Variants in ZBTB20 observed in about 807,000 individuals in gnomAD.
The protein encoded by ZBTB20 is zinc finger and BTB domain-containing protein 20.
ZBTB20 carries 9 observed loss-of-function variants against 56.9 expected under a neutral mutation model. That is an observed-to-expected ratio of 0.16 (90% CI 0.10 to 0.28). The LOEUF (loss-of-function observed/expected upper bound fraction) is 0.28, where lower values mean the gene tolerates loss of function less well. Among genes scored for constraint, ZBTB20 ranks in the 10% least tolerant of loss-of-function variants. The probability of loss-of-function intolerance (pLI) is 1.00; values close to 1 mark genes in which losing one functional copy is unlikely to be tolerated. For missense variants in ZBTB20, 655 were observed against 1,003.0 expected (o/e 0.65, Z 4.69); for synonymous variants, 417 against 420.7 (o/e 0.99, Z 0.11).
At chr3:115,131,754 A>G (rs995302795) in intron 1 of ZBTB20, among the ~76,000 whole-genome samples, 4 of 152,216 alleles carry the variant, frequency 2.6e-5, no homozygotes, top group African/African-American at 9.6e-5. Context: ...TTCCACCAGT[A>G]ACAAATACTG....
chr3:114,610,185 C>G (rs191964927), intron 6 of ZBTB20, among the ~76,000 whole-genome samples: 11 of 152,246 alleles, frequency 7.2e-5, no homozygotes, highest in Non-Finnish European at 1.5e-4. Context: ...CACTGACAGG[C>G]AGATAAATAC....
intron 5 of ZBTB20, among the ~76,000 whole-genome samples, chr3:114,709,293 T>C (rs2063903819): frequency 6.6e-6 from 1 of 152,054 alleles, no homozygotes. Context: ...ACACCACCCC[T>C]CTCATGGTTC....
chr3:114,591,055 T>A (rs1357125815), intron 6 of ZBTB20, among the ~76,000 whole-genome samples: 2 of 152,230 alleles, frequency 1.3e-5, no homozygotes, highest in African/African-American at 4.8e-5. Flanking sequence ...GCTTAACAGC[T>A]ACTATTAGCG....
At chr3:114,565,933 T>C (rs765218977) in intron 6 of ZBTB20, among the ~76,000 whole-genome samples, 14 of 152,100 alleles carry the variant, frequency 9.2e-5, no homozygotes, top group Non-Finnish European at 2.1e-4. Context: ...GGAGCAATTA[T>C]TATTATTATT....
At chr3:115,002,284 T>C (rs935491841) in intron 2 of ZBTB20, among the ~76,000 whole-genome samples, 1 of 151,466 alleles carries the variant, frequency 6.6e-6, no homozygotes, top group Non-Finnish European at 1.5e-5. Context: ...AGAAGATAAA[T>C]AGGAGAACAT....
At chr3:114,919,359 A>T (rs2075867240) in intron 3 of ZBTB20, among the ~76,000 whole-genome samples, 1 of 152,186 alleles carries the variant, frequency 6.6e-6, no homozygotes, top group South Asian at 2.1e-4. Context: ...GAATCAAAGC[A>T]AAAATTGAAT....
chr3:114,529,718 T>G (rs1425452732), intron 6 of ZBTB20, among the ~76,000 whole-genome samples: 1 of 152,224 alleles, frequency 6.6e-6, no homozygotes, highest in Non-Finnish European at 1.5e-5. Flanking sequence ...AAGGTAGGGA[T>G]GATGGGTTGG....
At position 114,422,422 on chromosome 3, in the gene ZBTB20, T is replaced by TTACCCGCCTTAC. The variant is rs765954944; in HGVS notation, c.-254-33329_-254-33318dup. On this transcript the variant is annotated intron_variant, in intron 7 of 11. Transcript: ENST00000675478. ...TTTGTGAATATACTGCAACCGGACG[T>TTACCCGCCTTAC]TACCCGCCTTACATGAATTTGACAT... 2.4e-3 allele frequency among the ~76,000 whole-genome samples: 372 copies of TTACCCGCCTTAC among 152,244 alleles called. 1 individual carries two copies. The highest frequency in any genetic ancestry group is 4.2e-3 in the Non-Finnish European group (283 of 68,000).
chr3:114,662,590 T>C (rs1279047773), intron 6 of ZBTB20, among the ~76,000 whole-genome samples: 5 of 141,364 alleles, frequency 3.5e-5, no homozygotes, highest in East Asian at 2.0e-4. Flanking sequence ...TTTTAATGAT[T>C]GCCATTCTAA....
intron 5 of ZBTB20, among the ~76,000 whole-genome samples, chr3:114,705,650 CAA>C (rs1199579015): frequency 1.3e-5 from 2 of 152,162 alleles, no homozygotes; most frequent in African/African-American, 4.8e-5. Flanking sequence ...TTTCCCCACT[CAA>C]GTGTTAGAGA....
At chr3:114,342,466 C>T (rs1403800932) in intron 11 of ZBTB20, among the ~76,000 whole-genome samples, 1 of 152,104 alleles carries the variant, frequency 6.6e-6, no homozygotes, top group Non-Finnish European at 1.5e-5. Context: ...CATATAAGTT[C>T]CTTCACTTTA....
intron 5 of ZBTB20, among the ~76,000 whole-genome samples, chr3:114,712,653 C>T (rs1033529558): frequency 7.7e-6 from 1 of 129,088 alleles, no homozygotes; most frequent in African/African-American, 3.0e-5. Flanking sequence ...AACTCCATCT[C>T]GAAAAAAAAA....
At chr3:114,895,316 G>A (rs1420410116) in intron 4 of ZBTB20, among the ~76,000 whole-genome samples, 1 of 152,166 alleles carries the variant, frequency 6.6e-6, no homozygotes, top group Non-Finnish European at 1.5e-5. Flanking sequence ...TGATGCATAT[G>A]AAAGTAACTC....
At chr3:114,449,532 A>C (rs1215357878) in intron 7 of ZBTB20, among the ~76,000 whole-genome samples, 1 of 152,146 alleles carries the variant, frequency 6.6e-6, no homozygotes, top group Admixed American at 6.5e-5. Flanking sequence ...GACAGGAAAG[A>C]ATATTCTTCG....
intron 3 of ZBTB20, chr3:114,930,845 C>G (rs1371202880): frequency 3.5e-6 from 1 of 284,096 alleles, no homozygotes; most frequent in Non-Finnish European, 7.1e-6. Context: ...GATGATGTTG[C>G]AGCAGAAAAG....
intron 6 of ZBTB20, among the ~76,000 whole-genome samples, chr3:114,578,606 T>C (rs1212721144): frequency 6.6e-6 from 1 of 151,854 alleles, no homozygotes; most frequent in Non-Finnish European, 1.5e-5. Context: ...AAAAACAGAT[T>C]GATAGATTTC....
chr3:114,958,511 T>C (rs995772428), intron 3 of ZBTB20, among the ~76,000 whole-genome samples: 1 of 152,166 alleles, frequency 6.6e-6, no homozygotes, highest in African/African-American at 2.4e-5. Context: ...GTCTTTTTCT[T>C]ACGGATTTAA....
intron 6 of ZBTB20, among the ~76,000 whole-genome samples, chr3:114,540,027 C>T (rs759236244): frequency 1.3e-5 from 2 of 151,324 alleles, no homozygotes; most frequent in African/African-American, 4.9e-5. Flanking sequence ...AAGCTTAGTA[C>T]CTATTAGTAA....
At chr3:114,614,718 A>G (rs2057795878) in intron 6 of ZBTB20, among the ~76,000 whole-genome samples, 2 of 150,980 alleles carry the variant, frequency 1.3e-5, no homozygotes, top group East Asian at 2.0e-4. Context: ...GTAGTGTCCA[A>G]TCTCATAGTG....
Sources: gnomAD v4.1 joint callset for allele counts (sites outside exome capture counted in the v4.1 genomes callset) on GRCh38, gnomAD v4.1.1 for gene constraint, MANE v1.5 for transcripts, NCBI Gene and HGNC (gene_info 2026-07-23, HGNC 2026-07-21) for gene names.